The following CADM2 variants were observed in gnomAD, a reference collection of about 807,000 sequenced individuals.
CADM2 encodes the protein immunoglobulin superfamily member 4D.
In CADM2, 12 loss-of-function variants were observed where a neutral mutation model predicts 49.8. The ratio of observed to expected loss-of-function variants is 0.24; its 90% CI spans 0.15 to 0.39. The LOEUF (loss-of-function observed/expected upper bound fraction) is 0.39. Ranked by LOEUF, CADM2 falls within the 10% of genes least tolerant of loss-of-function variation. The probability of loss-of-function intolerance (pLI) is 1.00; values close to 1 mark genes in which losing one functional copy is unlikely to be tolerated. For synonymous variants in CADM2, 214 were observed against 175.4 expected, an observed-to-expected ratio of 1.22 and a Z score of -1.74; for missense variants, 378 against 492.3, an observed-to-expected ratio of 0.77 and a Z score of 2.20.
intron 1 of CADM2, among the ~76,000 whole-genome samples, chr3:85,683,976 G>C (rs112917886): frequency 2.6e-5 from 4 of 152,220 alleles, no homozygotes; most frequent in African/African-American, 9.6e-5. Context: ...ATAGCAGATA[G>C]CCACCTTCCT....
intron 1 of CADM2, among the ~76,000 whole-genome samples, chr3:85,054,416 T>A (rs956132408): frequency 1.3e-5 from 2 of 151,890 alleles, no homozygotes; most frequent in African/African-American, 4.8e-5. Context: ...GGGGGATCTA[T>A]GACATGGCTT....
At chr3:85,090,247 T>C (rs962425394) in intron 1 of CADM2, among the ~76,000 whole-genome samples, 2 of 152,188 alleles carry the variant, frequency 1.3e-5, no homozygotes, top group Non-Finnish European at 2.9e-5. Flanking sequence ...ATATGTTCAT[T>C]TTATGTGAGC....
At chr3:85,372,836 G>T (rs75108540) in intron 1 of CADM2, among the ~76,000 whole-genome samples, 1 of 152,096 alleles carries the variant, frequency 6.6e-6, no homozygotes, top group African/African-American at 2.4e-5. Flanking sequence ...CAGGGGAATT[G>T]CCCTTCATAA....
chr3:86,039,000 T>G (rs1231639119), intron 8 of CADM2, among the ~76,000 whole-genome samples: 1 of 152,218 alleles, frequency 6.6e-6, no homozygotes, highest in East Asian at 1.9e-4. Flanking sequence ...AAAATTGTTC[T>G]TTGCTCTCCT....
At chr3:84,984,356 TAAAAA>T (rs375702349) in intron 1 of CADM2, among the ~76,000 whole-genome samples, 2 of 67,090 alleles carry the variant, frequency 3.0e-5, no homozygotes, top group Admixed American at 2.0e-4. Context: ...AAGATTAAGC[TAAAAA>T]AAAAAAAAAA....
rs138059532 is a variant in CADM2, at chr3:85,177,748, A to G, written c.61+218080A>G. On this transcript the variant is annotated intron_variant, in intron 1 of 9. Coordinates refer to ENST00000383699, the MANE Select transcript of CADM2 (RefSeq NM_001167675.2). ...ATCTAACATAAAAAGTAAAAAGATG[A>G]TCACTTTTCTTAAGCACCATACAAT... Among the ~76,000 whole-genome samples the G allele has an allele frequency of 1.6e-3, 249 of 152,102 alleles. 1 individual carries two copies. The highest frequency in any genetic ancestry group is 5.5e-3 in the African/African-American group (228 of 41,566).
chr3:85,899,416 T>G (rs1162041829), intron 5 of CADM2, among the ~76,000 whole-genome samples: 5 of 152,196 alleles, frequency 3.3e-5, no homozygotes, highest in Non-Finnish European at 7.3e-5. Context: ...TTTGTATTTT[T>G]AATGCCTTTG....
intron 1 of CADM2, among the ~76,000 whole-genome samples, chr3:85,095,064 A>G (rs1435185084): frequency 6.6e-6 from 1 of 152,208 alleles, no homozygotes; most frequent in Non-Finnish European, 1.5e-5. Context: ...TAAATTATTT[A>G]TAGAATATGG....
chr3:85,845,213 A>T (rs1248242690), intron 3 of CADM2, among the ~76,000 whole-genome samples: 1 of 151,718 alleles, frequency 6.6e-6, no homozygotes, highest in African/African-American at 2.4e-5. Flanking sequence ...TGTAGGCACC[A>T]TCTGATGTCC....
intron 1 of CADM2, among the ~76,000 whole-genome samples, chr3:85,143,206 A>G (rs980834942): frequency 8.5e-5 from 13 of 152,174 alleles, no homozygotes; most frequent in Admixed American, 8.5e-4. Context: ...TGTGTGACTG[A>G]GTGTGGTGGC....
intron 3 of CADM2, among the ~76,000 whole-genome samples, chr3:85,818,785 T>G (rs1427833781): frequency 6.6e-6 from 1 of 152,008 alleles, no homozygotes; most frequent in African/African-American, 2.4e-5. Flanking sequence ...TAAAAATGAT[T>G]TTAGCAGCTA....
intron 1 of CADM2, among the ~76,000 whole-genome samples, chr3:85,398,752 G>T (rs1351159673): frequency 6.6e-6 from 1 of 152,128 alleles, no homozygotes; most frequent in Non-Finnish European, 1.5e-5. Context: ...TTCTCTGATG[G>T]CCAGTGATGA....
intron 1 of CADM2, among the ~76,000 whole-genome samples, chr3:85,084,548 A>G (rs2037299302): frequency 6.6e-6 from 1 of 152,178 alleles, no homozygotes; most frequent in African/African-American, 2.4e-5. Flanking sequence ...TGAGATTGTG[A>G]AGACTTAATA....
chr3:85,354,016 CA>C (rs947724756), intron 1 of CADM2, among the ~76,000 whole-genome samples: 1 of 151,664 alleles, frequency 6.6e-6, no homozygotes, highest in Non-Finnish European at 1.5e-5. Flanking sequence ...TTGTCAACGC[CA>C]TTTTTTTTTC....
At chr3:85,659,789 C>T (rs971495114) in intron 1 of CADM2, among the ~76,000 whole-genome samples, 1 of 152,104 alleles carries the variant, frequency 6.6e-6, no homozygotes, top group African/African-American at 2.4e-5. Context: ...CTCTAAAATT[C>T]AGATTTCTAA....
intron 1 of CADM2, among the ~76,000 whole-genome samples, chr3:85,355,740 G>A (rs1273288561): frequency 6.6e-6 from 1 of 152,096 alleles, no homozygotes; most frequent in Non-Finnish European, 1.5e-5. Flanking sequence ...GAATATTTTA[G>A]CAAGTGGCAA....
At chr3:85,033,721 AAT>A (rs2035086981) in intron 1 of CADM2, among the ~76,000 whole-genome samples, 1 of 152,190 alleles carries the variant, frequency 6.6e-6, no homozygotes, top group Admixed American at 6.5e-5. Context: ...TTTTCTGACC[AAT>A]TAAAAGTTTC....
At chr3:85,896,907 T>TG (rs1305546266) in intron 5 of CADM2, among the ~76,000 whole-genome samples, 1 of 152,188 alleles carries the variant, frequency 6.6e-6, no homozygotes, top group African/African-American at 2.4e-5. Flanking sequence ...GTTTACAAAA[T>TG]GCAGATTCCT....
chr3:85,822,044 A>G (rs1230503335), intron 3 of CADM2, among the ~76,000 whole-genome samples: 2 of 152,216 alleles, frequency 1.3e-5, no homozygotes, highest in African/African-American at 2.4e-5. Context: ...ATTTAGAATG[A>G]ACATCATATA....
Sources: allele counts gnomAD v4.1 joint callset (sites outside exome capture counted in the v4.1 genomes callset), GRCh38; gene constraint gnomAD v4.1.1; transcripts MANE v1.5; gene names NCBI Gene and HGNC (gene_info 2026-07-23, HGNC 2026-07-21).